CSMD1: variants seen among roughly 807,000 people sequenced by gnomAD.
The protein encoded by CSMD1 is CUB and Sushi multiple domains 1, also known as CUB and sushi domain-containing protein 1.
Under a neutral mutation model 417.5 loss-of-function variants are expected in CSMD1, and 213 were observed. That is an observed-to-expected ratio of 0.51 (90% CI 0.46 to 0.57). The LOEUF (loss-of-function observed/expected upper bound fraction) is 0.57, where lower values mean the gene tolerates loss of function less well. CSMD1 is among the 20% of genes least tolerant of loss of function. The probability of loss-of-function intolerance (pLI) is 0.00; values close to 1 mark genes in which losing one functional copy is unlikely to be tolerated. For missense variants in CSMD1, 6,923 were observed against 4,529.7 expected (o/e 1.53, Z -15.17); for synonymous variants, 2,862 against 1,736.8 (o/e 1.65, Z -16.11).
rs545477150 is a variant in CSMD1 at position 3,906,857 on chromosome 8, TAAAGTA to T, written c.818+91040_818+91045del. ...AAGGACAGCATTGTCATTTTGTACATAAAGTAAAAGTATTAGTACCAAGTCTTTCTA... is the reference window on the plus strand; with the variant it reads ...AAGGACAGCATTGTCATTTTGTACATAAAGTATTAGTACCAAGTCTTTCTA... On this transcript the variant is annotated intron_variant, in intron 5 of 69. Transcript: ENST00000635120. Among the ~76,000 whole-genome samples, 1,226 of 152,296 alleles carry T rather than the reference TAAAGTA, an allele frequency of 8.1e-3. 8 individuals carry two copies. Among genetic ancestry groups the T allele is most frequent in the Middle Eastern group, 0.017 (5 of 294 alleles).
intron 25 of CSMD1, among the ~76,000 whole-genome samples, chr8:3,294,991 A>T (rs1038062918): frequency 6.6e-6 from 1 of 152,040 alleles, no homozygotes; most frequent in Non-Finnish European, 1.5e-5. Context: ...TATTTTTAGA[A>T]GCTTCATATG....
At chr8:4,087,603 C>G (rs555118139) in intron 3 of CSMD1, among the ~76,000 whole-genome samples, 28 of 152,206 alleles carry the variant, frequency 1.8e-4, no homozygotes, top group East Asian at 7.7e-4. Context: ...CTTTCTGTCT[C>G]TCTCTCATTC....
At chr8:4,656,230 T>A (rs957538073) in intron 1 of CSMD1, among the ~76,000 whole-genome samples, 1 of 152,008 alleles carries the variant, frequency 6.6e-6, no homozygotes, top group Admixed American at 6.5e-5. Context: ...TGGAAAAGCC[T>A]TAGGTTAGGA....
chr8:4,036,312 C>G (rs938499477), intron 3 of CSMD1, among the ~76,000 whole-genome samples: 4 of 149,972 alleles, frequency 2.7e-5, no homozygotes, highest in African/African-American at 4.9e-5. Context: ...ACTTTATCAT[C>G]TACAGTATAT....
At chr8:3,899,029 G>A (rs545038761) in intron 5 of CSMD1, among the ~76,000 whole-genome samples, 2 of 152,102 alleles carry the variant, frequency 1.3e-5, no homozygotes, top group African/African-American at 2.4e-5. Context: ...AAGGTCGTAC[G>A]CGTCCAGGAA....
At chr8:3,634,381 G>T (rs144816363) in intron 7 of CSMD1, among the ~76,000 whole-genome samples, 1 of 152,164 alleles carries the variant, frequency 6.6e-6, no homozygotes, top group Non-Finnish European at 1.5e-5. Flanking sequence ...TATAGGCACC[G>T]AGGCTCAGGA....
At chr8:4,119,572 G>A (rs184271152) in intron 3 of CSMD1, among the ~76,000 whole-genome samples, 105 of 123,570 alleles carry the variant, frequency 8.5e-4, no homozygotes, top group African/African-American at 2.6e-3. Context: ...TAGACCAGAG[G>A]ATAATAGTAG....
chr8:2,948,151 G>A (rs920574548), intron 68 of CSMD1, among the ~76,000 whole-genome samples: 1 of 151,978 alleles, frequency 6.6e-6, no homozygotes, highest in Non-Finnish European at 1.5e-5. Flanking sequence ...ATGGTGCCAA[G>A]GTTGTTACAA....
intron 5 of CSMD1, among the ~76,000 whole-genome samples, chr8:3,796,707 G>A (rs1176995113): frequency 6.7e-6 from 1 of 150,288 alleles, no homozygotes; most frequent in Non-Finnish European, 1.5e-5. Context: ...GATGAGAATG[G>A]GTAGGAAACA....
At position 2,943,055 on chromosome 8, in the gene CSMD1, T is replaced by C. The variant is rs958138539; in HGVS notation, c.10403-451A>G. On this transcript the variant is annotated intron_variant, in intron 68 of 69. Transcript: ENST00000635120. Reference sequence around the variant, plus strand: ...GTTATCCATAAAAATGGCATTGCATTCTTCATATGTGAATAGGATGGTGTC... The same window carrying C: ...GTTATCCATAAAAATGGCATTGCATCCTTCATATGTGAATAGGATGGTGTC... Among the ~76,000 whole-genome samples, 14 of 152,194 alleles carry C rather than the reference T, an allele frequency of 9.2e-5. 1 individual carries two copies. Among genetic ancestry groups the C allele is most frequent in the Non-Finnish European group, 8.8e-5 (6 of 68,042 alleles).
At chr8:4,636,875 G>A (rs1046196864) in intron 2 of CSMD1, among the ~76,000 whole-genome samples, 1 of 152,102 alleles carries the variant, frequency 6.6e-6, no homozygotes, top group Non-Finnish European at 1.5e-5. Context: ...CAAGAGGATT[G>A]TAAAATGCAC....
intron 3 of CSMD1, among the ~76,000 whole-genome samples, chr8:4,242,966 T>G (rs142335405): frequency 6.6e-6 from 1 of 152,310 alleles, no homozygotes; most frequent in Non-Finnish European, 1.5e-5. Flanking sequence ...AGTCAAAGTT[T>G]AAAATTTTAT....
chr8:4,665,481 A>C (rs916174439), intron 1 of CSMD1, among the ~76,000 whole-genome samples: 3 of 152,190 alleles, frequency 2.0e-5, no homozygotes, highest in Non-Finnish European at 4.4e-5. Context: ...CATTCCCAGC[A>C]CACTGATAAG....
rs536235869 is a variant in CSMD1 at position 3,750,849 on chromosome 8, A to T, written c.931+3081T>A. ...GTTTGTTCTAGAATCAGCAACAGCA[A>T]CCATACTGGAGCTTCCATTCCTTGG... On this transcript the variant is annotated intron_variant, in intron 6 of 69. Transcript: ENST00000635120. Among the ~76,000 whole-genome samples the T allele has an allele frequency of 6.4e-4, 98 of 152,286 alleles. 3 individuals carry two copies. The South Asian group carries it at 0.018, about 29-fold the overall frequency.
At chr8:4,751,193 T>C (rs140059829) in intron 1 of CSMD1, among the ~76,000 whole-genome samples, 26 of 152,176 alleles carry the variant, frequency 1.7e-4, no homozygotes, top group Admixed American at 1.3e-3. Flanking sequence ...CAGACCAGCC[T>C]GGCCAACATG....
intron 12 of CSMD1, among the ~76,000 whole-genome samples, chr8:3,446,546 G>A (rs144030162): frequency 8.5e-5 from 13 of 152,290 alleles, no homozygotes; most frequent in African/African-American, 1.2e-4. Flanking sequence ...ATAGAGTGCA[G>A]GTAGTGACAG....
chr8:4,611,968 G>C (rs74431423), intron 2 of CSMD1, among the ~76,000 whole-genome samples: 7,143 of 152,132 alleles, frequency 0.047, 228 homozygotes, highest in South Asian at 0.11. Flanking sequence ...TAATTTGTGT[G>C]TTTTTTTCCT....
At chr8:3,610,067 G>C (rs376465465) in intron 8 of CSMD1, among the ~76,000 whole-genome samples, 4 of 151,892 alleles carry the variant, frequency 2.6e-5, no homozygotes, top group African/African-American at 9.6e-5. Context: ...ACAGCACCCA[G>C]CCTTCCCTCC....
chr8:4,513,976 A>G (rs1471174845), intron 2 of CSMD1, among the ~76,000 whole-genome samples: 1 of 152,196 alleles, frequency 6.6e-6, no homozygotes, highest in African/African-American at 2.4e-5. Context: ...TTTTAACCCT[A>G]GATTGTAGCT....
Sources: allele counts gnomAD v4.1 joint callset (sites outside exome capture counted in the v4.1 genomes callset), GRCh38; gene constraint gnomAD v4.1.1; transcripts MANE v1.5; gene names NCBI Gene and HGNC (gene_info 2026-07-23, HGNC 2026-07-21).